Variants in ESR1 observed in about 807,000 individuals in gnomAD.
ESR1 encodes estrogen receptor.
In ESR1, 12 loss-of-function variants were observed where a neutral mutation model predicts 52.7. The ratio of observed to expected loss-of-function variants is 0.23; its 90% confidence interval spans 0.15 to 0.37. ESR1 has a LOEUF of 0.37. Ranked by LOEUF, ESR1 falls within the 10% of genes least tolerant of loss-of-function variation. ESR1 has a pLI of 1.00. For missense variants in ESR1, 584 were observed against 779.7 expected, an observed-to-expected ratio of 0.75 and a Z score of 2.99; for synonymous variants, 305 against 316.8, an observed-to-expected ratio of 0.96 and a Z score of 0.39.
At chr6:151,862,571 T>C (rs536100372) in intron 2 of ESR1, among the ~76,000 whole-genome samples, 3 of 152,234 alleles carry the variant, frequency 2.0e-5, no homozygotes, top group East Asian at 3.9e-4. Context: ...GACTAAAGGT[T>C]TGGGTGAGCT....
chr6:151,705,259 G>A (rs929264998), intron 2 of ESR1, among the ~76,000 whole-genome samples: 1 of 152,126 alleles, frequency 6.6e-6, no homozygotes, highest in African/African-American at 2.4e-5. Flanking sequence ...TTCCCATGCT[G>A]ACTTCTCTTC....
chr6:151,879,977 C>T (rs1258488493), intron 2 of ESR1, among the ~76,000 whole-genome samples: 1 of 152,110 alleles, frequency 6.6e-6, no homozygotes, highest in African/African-American at 2.4e-5. Context: ...AAGCTCTACC[C>T]TCACAACAAT....
intron 1 of ESR1, among the ~76,000 whole-genome samples, chr6:151,660,811 T>A (rs1039932069): frequency 2.0e-5 from 3 of 152,216 alleles, no homozygotes; most frequent in African/African-American, 7.2e-5. Context: ...CCCAATACAC[T>A]GCCTCATTTC....
chr6:151,698,946 G>A (rs1412041119), intron 1 of ESR1, among the ~76,000 whole-genome samples: 1 of 152,118 alleles, frequency 6.6e-6, no homozygotes. Context: ...TCCTTCACAT[G>A]TCATTTGTGA....
intron 4 of ESR1, among the ~76,000 whole-genome samples, chr6:151,960,932 T>G (rs1013362427): frequency 6.6e-6 from 1 of 152,116 alleles, no homozygotes; most frequent in Non-Finnish European, 1.5e-5. Context: ...GCGTAGTATG[T>G]GAGAGAAAGA....
At chr6:151,740,011 T>C (rs1782961347) in intron 2 of ESR1, among the ~76,000 whole-genome samples, 1 of 152,230 alleles carries the variant, frequency 6.6e-6, no homozygotes, top group Admixed American at 6.5e-5. Flanking sequence ...GCAGATTTAA[T>C]GGATCACTTT....
intron 5 of ESR1, among the ~76,000 whole-genome samples, chr6:152,039,096 A>C (rs1377469454): frequency 1.3e-5 from 2 of 152,210 alleles, no homozygotes; most frequent in South Asian, 2.1e-4. Flanking sequence ...GCAACTCATC[A>C]CATGGTCGTA....
intron 6 of ESR1, among the ~76,000 whole-genome samples, chr6:152,088,678 G>A (rs1204956299): frequency 2.0e-5 from 3 of 152,134 alleles, no homozygotes; most frequent in Admixed American, 6.5e-5. Flanking sequence ...TCGGGACCCC[G>A]CAGAGTCCCC....
upstream of ESR1, among the ~76,000 whole-genome samples, chr6:151,690,216 A>T (rs981054704): frequency 5.9e-5 from 9 of 151,532 alleles, no homozygotes; most frequent in African/African-American, 1.9e-4. Context: ...ATGATGTTTT[A>T]TTTTTTTTTC....
chr6:152,063,944 C>T (rs890917451), intron 6 of ESR1, among the ~76,000 whole-genome samples: 1 of 152,172 alleles, frequency 6.6e-6, no homozygotes, highest in Non-Finnish European at 1.5e-5. Flanking sequence ...GTTGTGAGGA[C>T]CTGCTCGGAA....
intron 6 of ESR1, among the ~76,000 whole-genome samples, chr6:152,079,001 A>G (rs1362103414): frequency 6.6e-6 from 1 of 152,216 alleles, no homozygotes; most frequent in African/African-American, 2.4e-5. Context: ...GGCAGAGCCC[A>G]CCTCAGCTCA....
intron 2 of ESR1, among the ~76,000 whole-genome samples, chr6:151,845,949 G>A (rs60016952): frequency 0.012 from 1,786 of 152,280 alleles, 28 homozygotes; most frequent in African/African-American, 0.039. Context: ...CACAGAACTT[G>A]TGAGGTAAAG....
chr6:151,828,392 GA>G (rs1781853916), intron 1 of ESR1, among the ~76,000 whole-genome samples: 1 of 152,178 alleles, frequency 6.6e-6, no homozygotes. Flanking sequence ...GTGGTACAAA[GA>G]AGAGAGGTAG....
At chr6:151,905,503 G>T (rs1204533565) in intron 3 of ESR1, among the ~76,000 whole-genome samples, 1 of 152,088 alleles carries the variant, frequency 6.6e-6, no homozygotes, top group Non-Finnish European at 1.5e-5. Context: ...GAAAAAAATC[G>T]ATTTAAATTC....
At position 152,044,475 on chromosome 6, in the gene ESR1, A is replaced by T. The variant is rs150558128; in HGVS notation, c.1236-16516A>T. ...AGTTTATTAAGGAGAATTGACTCACACAATCACAAGGTGAAGTCCCACAAT... is the reference window on the plus strand; with the variant it reads ...AGTTTATTAAGGAGAATTGACTCACTCAATCACAAGGTGAAGTCCCACAAT... On this transcript the variant is annotated intron_variant, in intron 5 of 7. Transcript: ENST00000206249. Among the ~76,000 whole-genome samples, 25 of 152,334 alleles carry T rather than the reference A, an allele frequency of 1.6e-4. No individual in the cohort carries two copies. In the East Asian group the frequency reaches 4.8e-3, roughly 29 times the overall value.
intron 5 of ESR1, among the ~76,000 whole-genome samples, chr6:152,016,310 G>A (rs944659970): frequency 1.3e-5 from 2 of 151,936 alleles, no homozygotes; most frequent in African/African-American, 4.8e-5. Context: ...TTAGGTATAT[G>A]TTAATGATGA....
At chr6:152,089,206 A>G (rs915788637) in intron 6 of ESR1, among the ~76,000 whole-genome samples, 6 of 152,246 alleles carry the variant, frequency 3.9e-5, no homozygotes, top group Admixed American at 3.3e-4. Context: ...TAATATGTAC[A>G]TTGCACAAAA....
At chr6:151,832,398 T>C (rs1782589384) in intron 1 of ESR1, among the ~76,000 whole-genome samples, 1 of 152,132 alleles carries the variant, frequency 6.6e-6, no homozygotes, top group South Asian at 2.1e-4. Flanking sequence ...TTGTGGAAAA[T>C]AAATAGATAC....
intron 4 of ESR1, among the ~76,000 whole-genome samples, chr6:151,956,742 C>G (rs2036960772): frequency 6.7e-6 from 1 of 149,394 alleles, no homozygotes; most frequent in Non-Finnish European, 1.5e-5. Context: ...AAAAAAACAA[C>G]CCTTCTCCTT....
Sources: allele counts gnomAD v4.1 joint callset (sites outside exome capture counted in the v4.1 genomes callset), GRCh38; gene constraint gnomAD v4.1.1; transcripts MANE v1.5; gene names NCBI Gene and HGNC (gene_info 2026-07-23, HGNC 2026-07-21).